Variants in CHIC2 observed in about 807,000 individuals in gnomAD.
The protein encoded by CHIC2 is cysteine rich hydrophobic domain 2.
Under a neutral mutation model 25.9 loss-of-function variants are expected in CHIC2, and 14 were observed. The observed-to-expected ratio is 0.54, with a 90% confidence interval of 0.36 to 0.85. The LOEUF (loss-of-function observed/expected upper bound fraction) is 0.85, where lower values mean the gene tolerates loss of function less well. CHIC2 is among the 40% of genes least tolerant of loss of function. The pLI, the probability that CHIC2 is intolerant of heterozygous loss-of-function variation, is 0.01. For synonymous variants in CHIC2, 70 were observed against 72.0 expected (o/e 0.97, Z 0.14); for missense variants, 146 against 202.0 (o/e 0.72, Z 1.68).
Position 54,049,034 on chromosome 4 carries a change from C to A in CHIC2, c.251G>T (p.Arg84Leu). ...CLKKNLPVNV[R>L]WLLCGCLCCC... ...ACAAAGGCAGCCACAAAGTAGCCAA[C>A]GTACATTAACAGGAAGGTTCTTCTT... Residue 84 changes from arginine (R) to leucine (L), a missense_variant, in exon 3 of 6, where the codon CGT (arginine) becomes CTT (leucine). Physicochemically the swap from Arg to Leu is moderately radical, Grantham distance 102. Coordinates refer to ENST00000263921, the MANE Select transcript of CHIC2 (RefSeq NM_012110.4). The A allele has an allele frequency of 6.2e-7, 1 of 1,611,844 alleles. No individual in the cohort carries two copies. Among genetic ancestry groups the A allele is most frequent in the Non-Finnish European group, 8.5e-7 (1 of 1,178,806 alleles).
At chr4:54,015,432 C>T (rs1715710332) in intron 3 of CHIC2, among the ~76,000 whole-genome samples, 1 of 152,104 alleles carries the variant, frequency 6.6e-6, no homozygotes, top group East Asian at 1.9e-4. Context: ...GGCAGCTCTC[C>T]TTTTAAATGA....
Position 54,064,426 on chromosome 4 carries a change from C to T in CHIC2, c.-126G>A. 2 of 1,520,708 alleles carry T rather than the reference C, an allele frequency of 1.3e-6. No homozygotes were observed. The highest frequency in any genetic ancestry group is 1.8e-6 in the Non-Finnish European group (2 of 1,137,672). The allele number at this position is 1,520,708 out of a possible 1,614,324, so 94.2% of individuals were successfully genotyped here. ...CCGCCGGCTCCGAGGCCGCGGAGTT[C>T]GCTGTCGGCTGTCTCGGCTCCGGCT... On this transcript the variant is annotated 5_prime_UTR_variant, in exon 1 of 6. Coordinates refer to ENST00000263921, the MANE Select transcript of CHIC2 (RefSeq NM_012110.4). The surrounding 1 kb of genome is among the most constrained non-coding windows in gnomAD (Gnocchi z 4.2).
At chr4:54,044,013 G>A (rs1716683105) in intron 3 of CHIC2, among the ~76,000 whole-genome samples, 1 of 152,130 alleles carries the variant, frequency 6.6e-6, no homozygotes, top group Non-Finnish European at 1.5e-5. Flanking sequence ...CCTAGTCTCG[G>A]ATAAAACAGA....
chr4:54,076,180 T>C, the CHIC2 span, among the ~76,000 whole-genome samples: 1 of 151,994 alleles, frequency 6.6e-6, no homozygotes, highest in African/African-American at 2.4e-5. Flanking sequence ...TCCCAGTTAT[T>C]TGGGGGGCTC....
the CHIC2 span, among the ~76,000 whole-genome samples, chr4:54,088,990 C>G: frequency 4.6e-5 from 7 of 152,172 alleles, no homozygotes; most frequent in Admixed American, 1.3e-4. Flanking sequence ...GAACCTGGAA[C>G]TCCTGTACCT....
At chr4:54,050,704 A>G (rs1003680840) in intron 1 of CHIC2, among the ~76,000 whole-genome samples, 8 of 152,030 alleles carry the variant, frequency 5.3e-5, no homozygotes, top group South Asian at 2.1e-4. Flanking sequence ...ACAGTAACAT[A>G]CTGTACAGGT....
chr4:54,072,980 A>AT, the CHIC2 span, among the ~76,000 whole-genome samples: 10 of 152,174 alleles, frequency 6.6e-5, no homozygotes, highest in Non-Finnish European at 1.3e-4. Context: ...AGACAGGAGA[A>AT]TGGCATGAAC....
rs73145786 is a variant in CHIC2 at position 54,042,218 on chromosome 4, T to C, written c.330+6737A>G. On this transcript the variant is annotated intron_variant, in intron 3 of 5. Transcript: ENST00000263921. ...TTTATGCTCCCTAGATAGTACTCCATATAAAATTAAATGCATCAAATAAAT... is the reference window on the plus strand; with the variant it reads ...TTTATGCTCCCTAGATAGTACTCCACATAAAATTAAATGCATCAAATAAAT... Among the ~76,000 whole-genome samples, 1,427 of 152,256 alleles carry C rather than the reference T, an allele frequency of 9.4e-3. 28 individuals are homozygous for C. The highest frequency in any genetic ancestry group is 0.031 in the African/African-American group (1,289 of 41,544).
chr4:54,072,990 C>T, the CHIC2 span, among the ~76,000 whole-genome samples: 1 of 152,050 alleles, frequency 6.6e-6, no homozygotes, highest in South Asian at 2.1e-4. Flanking sequence ...ATGGCATGAA[C>T]CCAGGAGGCC....
chr4:54,028,195 T>C (rs1424860667), intron 3 of CHIC2, among the ~76,000 whole-genome samples: 1 of 152,310 alleles, frequency 6.6e-6, no homozygotes, highest in African/African-American at 2.4e-5. Context: ...CTGGACAAAT[T>C]AGGTAAATTA....
chr4:54,048,100 T>G (rs1370632506), intron 3 of CHIC2, among the ~76,000 whole-genome samples: 1 of 152,160 alleles, frequency 6.6e-6, no homozygotes, highest in Admixed American at 6.5e-5. Context: ...GCGATTCTCC[T>G]GCCTCAGCCT....
intron 1 of CHIC2, among the ~76,000 whole-genome samples, chr4:54,057,001 C>T (rs934808812): frequency 6.6e-6 from 1 of 152,136 alleles, no homozygotes; most frequent in African/African-American, 2.4e-5. Context: ...ACAGAAAGTG[C>T]AGGTATGCCA....
the CHIC2 span, chr4:54,087,092 A>C: frequency 1.3e-5 from 13 of 1,011,032 alleles, no homozygotes; most frequent in East Asian, 2.9e-4. Context: ...TCTCAGGAAG[A>C]TGTGGGGTCG....
chr4:54,028,987 G>A (rs1200511905), intron 3 of CHIC2, among the ~76,000 whole-genome samples: 1 of 152,140 alleles, frequency 6.6e-6, no homozygotes. Flanking sequence ...GCCAGGCGTG[G>A]TGGTGTGCAC....
chr4:54,090,385 A>G, the CHIC2 span, among the ~76,000 whole-genome samples: 1 of 152,068 alleles, frequency 6.6e-6, no homozygotes, highest in Admixed American at 6.6e-5. Context: ...GGGTTTCACT[A>G]TATTGGCCAG....
At chr4:54,033,891 C>CT (rs1160598712) in intron 3 of CHIC2, among the ~76,000 whole-genome samples, 4 of 152,068 alleles carry the variant, frequency 2.6e-5, no homozygotes, top group African/African-American at 7.2e-5. Flanking sequence ...TACCACACTA[C>CT]TTTGAGTATT....
chr4:54,076,085 A>G, the CHIC2 span, among the ~76,000 whole-genome samples: 1 of 152,170 alleles, frequency 6.6e-6, no homozygotes, highest in African/African-American at 2.4e-5. Context: ...TCAGGAGTTC[A>G]AGAACAGCCT....
intron 3 of CHIC2, among the ~76,000 whole-genome samples, chr4:54,025,821 C>G (rs182549240): frequency 1.0e-4 from 15 of 149,644 alleles, no homozygotes; most frequent in African/African-American, 3.7e-4. Flanking sequence ...TGTCACTGCA[C>G]TCCACCCTGG....
At chr4:54,090,120 G>A in the CHIC2 span, among the ~76,000 whole-genome samples, 7 of 151,908 alleles carry the variant, frequency 4.6e-5, no homozygotes, top group Admixed American at 2.6e-4. Context: ...AGACACATCT[G>A]GTCCCAAGCA....
Sources: gnomAD v4.1 joint callset for allele counts (sites outside exome capture counted in the v4.1 genomes callset) on GRCh38, gnomAD v4.1.1 for gene constraint, Gnocchi (gnomAD v3.1) non-coding constraint, MANE v1.5 for transcripts, NCBI Gene and HGNC (gene_info 2026-07-23, HGNC 2026-07-21) for gene names.